Variants in TBC1D32 observed in about 807,000 individuals in gnomAD.
The protein encoded by TBC1D32 is protein broad-minded.
TBC1D32 carries 151 observed loss-of-function variants against 170.3 expected under a neutral mutation model. The observed-to-expected ratio is 0.89, with a 90% CI of 0.78 to 1.01. The LOEUF (loss-of-function observed/expected upper bound fraction) is 1.01, where lower values mean the gene tolerates loss of function less well. TBC1D32 is among the 50% of genes least tolerant of loss of function. TBC1D32 has a pLI of 0.00. For synonymous variants in TBC1D32, 498 were observed against 488.0 expected (o/e 1.02, Z -0.27); for missense variants, 1,464 against 1,457.1 (o/e 1.00, Z -0.08).
At chr6:121,142,555 T>A (rs959232426) in intron 24 of TBC1D32, among the ~76,000 whole-genome samples, 11 of 152,164 alleles carry the variant, frequency 7.2e-5, no homozygotes, top group African/African-American at 2.7e-4. Context: ...ATAAAAGTAT[T>A]TTTAAGTAAT....
chr6:121,159,027 A>G (rs1165821768), intron 24 of TBC1D32, among the ~76,000 whole-genome samples: 1 of 152,182 alleles, frequency 6.6e-6, no homozygotes, highest in Middle Eastern at 3.2e-3. Flanking sequence ...TTCTCTGACT[A>G]TAACTTGCTT....
chr6:121,185,786 G>C (rs1789130680), intron 22 of TBC1D32, among the ~76,000 whole-genome samples: 1 of 152,038 alleles, frequency 6.6e-6, no homozygotes, highest in African/African-American at 2.4e-5. Context: ...CAAGAAACTA[G>C]TTTAACAATA....
At chr6:121,118,629 T>C (rs942576606) in intron 26 of TBC1D32, among the ~76,000 whole-genome samples, 98 of 152,280 alleles carry the variant, frequency 6.4e-4, no homozygotes, top group South Asian at 4.1e-4. Flanking sequence ...ATTTCTCCAC[T>C]GGAGGACAAA....
At chr6:121,220,648 T>TC (rs201007481) in intron 21 of TBC1D32, among the ~76,000 whole-genome samples, 1,696 of 149,944 alleles carry the variant, frequency 0.011, 8 homozygotes, top group Middle Eastern at 0.031. Flanking sequence ...TTCTTTTTTT[T>TC]TTTTTTTTTT....
intron 19 of TBC1D32, 36 bp from the exon 20 acceptor site, chr6:121,239,224 T>A: frequency 7.9e-7 from 1 of 1,270,780 alleles, no homozygotes; most frequent in Non-Finnish European, 1.1e-6. Flanking sequence ...ATTTATAGCA[T>A]AATATTTCTT....
At chr6:121,099,626 A>C (rs943992753) in intron 30 of TBC1D32, among the ~76,000 whole-genome samples, 3 of 151,964 alleles carry the variant, frequency 2.0e-5, no homozygotes, top group African/African-American at 7.2e-5. Flanking sequence ...TATCCAAATA[A>C]TTACTTAATC....
chr6:121,114,403 T>C (rs1473380545), intron 27 of TBC1D32, among the ~76,000 whole-genome samples: 2 of 152,198 alleles, frequency 1.3e-5, no homozygotes, highest in Non-Finnish European at 2.9e-5. Context: ...GCTTATATTA[T>C]CTACGAAGTC....
intron 22 of TBC1D32, among the ~76,000 whole-genome samples, chr6:121,203,719 G>A (rs1266094357): frequency 6.6e-6 from 1 of 151,220 alleles, no homozygotes; most frequent in Non-Finnish European, 1.5e-5. Context: ...GTAAAGAGCA[G>A]GCAGTTTGAT....
At chr6:121,162,310 G>A (rs996475775) in intron 22 of TBC1D32, among the ~76,000 whole-genome samples, 3 of 152,030 alleles carry the variant, frequency 2.0e-5, no homozygotes, top group Non-Finnish European at 4.4e-5. Flanking sequence ...TTTCTCCAAG[G>A]GTTTTTATAG....
chr6:121,315,362 G>A (rs1051015606), intron 3 of TBC1D32, among the ~76,000 whole-genome samples: 2 of 152,148 alleles, frequency 1.3e-5, no homozygotes, highest in African/African-American at 4.8e-5. Context: ...TTATTTTGCA[G>A]AGACTTGTTC....
chr6:121,189,825 C>T (rs1789704921), intron 22 of TBC1D32, among the ~76,000 whole-genome samples: 1 of 151,944 alleles, frequency 6.6e-6, no homozygotes, highest in South Asian at 2.1e-4. Flanking sequence ...TCCCATCAGT[C>T]CTGAAGAGAC....
chr6:121,316,963 C>T (rs151000840), intron 3 of TBC1D32, among the ~76,000 whole-genome samples: 1,710 of 152,232 alleles, frequency 0.011, 8 homozygotes, highest in Middle Eastern at 0.031. Context: ...AGGGCCAATC[C>T]AGCCACTGGC....
intron 9 of TBC1D32, among the ~76,000 whole-genome samples, chr6:121,300,698 T>C (rs1173934925): frequency 1.3e-5 from 2 of 151,988 alleles, no homozygotes; most frequent in African/African-American, 2.4e-5. Context: ...TGGGACCTGA[T>C]TAAACTAAAG....
intron 15 of TBC1D32, among the ~76,000 whole-genome samples, chr6:121,268,858 G>A (rs1052799971): frequency 6.6e-6 from 1 of 152,146 alleles, no homozygotes; most frequent in Non-Finnish European, 1.5e-5. Flanking sequence ...AGGGCAGCCA[G>A]AGATAAAGGT....
At chr6:121,222,309 G>A (rs373394262) in intron 21 of TBC1D32, among the ~76,000 whole-genome samples, 24 of 152,092 alleles carry the variant, frequency 1.6e-4, no homozygotes, top group Non-Finnish European at 2.9e-4. Flanking sequence ...ATGTTATTGC[G>A]GTGGTATGGA....
At chr6:121,272,778 T>G (rs1007779167) in intron 15 of TBC1D32, among the ~76,000 whole-genome samples, 1 of 152,218 alleles carries the variant, frequency 6.6e-6, no homozygotes, top group Non-Finnish European at 1.5e-5. Context: ...CAAAGGATTA[T>G]AAATCATGCT....
intron 19 of TBC1D32, among the ~76,000 whole-genome samples, chr6:121,240,877 C>CAAAAAAAAAAAAAAAAAAAAAAAA (rs35249678): frequency 1.2e-5 from 1 of 84,212 alleles, no homozygotes; most frequent in Non-Finnish European, 2.1e-5. Flanking sequence ...TTCTGTCTCA[C>CAAAAAAAAAAAAAAAAAAAAAAAA]AAAAAAAAAA....
At chr6:121,332,138 C>T (rs541798912) in intron 1 of TBC1D32, among the ~76,000 whole-genome samples, 2 of 152,048 alleles carry the variant, frequency 1.3e-5, no homozygotes, top group South Asian at 2.1e-4. Context: ...AGAGGAACTA[C>T]AATGACCCAA....
At chr6:121,321,862 C>T (rs1463261312) in intron 1 of TBC1D32, 68 bp from the exon 2 acceptor site, 25 of 1,360,314 alleles carry the variant, frequency 1.8e-5, no homozygotes, top group Non-Finnish European at 2.4e-5. Flanking sequence ...AAAATCAACA[C>T]AGAAAGGTAA....
Sources: gnomAD v4.1 joint callset for allele counts (sites outside exome capture counted in the v4.1 genomes callset) on GRCh38, gnomAD v4.1.1 for gene constraint, MANE v1.5 for transcripts, NCBI Gene and HGNC (gene_info 2026-07-23, HGNC 2026-07-21) for gene names.